CRMP1: variants seen among roughly 807,000 people sequenced by gnomAD.
The protein encoded by CRMP1 is dihydropyrimidinase-related protein 1.
CRMP1 carries 19 observed loss-of-function variants against 68.3 expected under a neutral mutation model. That is an observed-to-expected ratio of 0.28 (90% CI 0.19 to 0.41). CRMP1 has a LOEUF of 0.41. Among genes scored for constraint, CRMP1 ranks in the 10% least tolerant of loss-of-function variants. The pLI is 1.00. For synonymous variants in CRMP1, 439 were observed against 399.6 expected, an observed-to-expected ratio of 1.10 and a Z score of -1.18; for missense variants, 791 against 967.4, an observed-to-expected ratio of 0.82 and a Z score of 2.42.
In CRMP1 at chr4:5,854,852, G is replaced by C. The variant is rs909989578; in HGVS notation, c.820+1291C>G. On this transcript the variant is annotated intron_variant, in intron 4 of 13. Transcript: ENST00000324989. The surrounding 1 kb of genome is among the most constrained non-coding windows in gnomAD (Gnocchi z 4.0). The stretch of plus-strand genomic sequence containing the variant: ...ATTTGGCAATAAGTGTCATAATCTT[G>C]AAAAATGTTAAAACCTCTGACCTTC... 2.6e-5 allele frequency among the ~76,000 whole-genome samples: 4 copies of C among 152,082 alleles called. No individual in the cohort carries two copies. The highest frequency in any genetic ancestry group is 5.9e-5 in the Non-Finnish European group (4 of 68,022).
intron 8 of CRMP1, among the ~76,000 whole-genome samples, chr4:5,840,225 A>G (rs1262546240): frequency 6.6e-6 from 1 of 152,152 alleles, no homozygotes; most frequent in African/African-American, 2.4e-5. Flanking sequence ...CTCCCACCCC[A>G]GGGGAAAGGG....
At position 5,859,885 on chromosome 4, in the gene CRMP1, G is replaced by T. The variant is rs1276095323; in HGVS notation, c.655+1141C>A. Among the ~76,000 whole-genome samples, 1 of 152,194 alleles carries T rather than the reference G, an allele frequency of 6.6e-6. No individual in the cohort carries two copies. Among genetic ancestry groups the T allele is most frequent in the African/African-American group, 2.4e-5 (1 of 41,440 alleles). ...GGAGAGATGGGCAGGGTTGGGGCCA[G>T]CTTACAGACAGGCCTCCTGAAACCG... On this transcript the variant is annotated intron_variant, in intron 3 of 13. Transcript: ENST00000324989. This position sits in a 1 kb window ranked among gnomAD's most constrained non-coding sequence, Gnocchi z 5.2.
Position 5,879,922 on chromosome 4 carries a change from C to T in CRMP1, c.381+12667G>A, listed in dbSNP as rs1029745846. The stretch of plus-strand genomic sequence containing the variant: ...GTAAAGGAAAACCTAACACCGTATG[C>T]GGAAATCATGATAGAGGAGGAATAA... On this transcript the variant is annotated intron_variant, in intron 1 of 13. Coordinates refer to ENST00000324989, the MANE Select transcript of CRMP1 (RefSeq NM_001014809.3). This position sits in a 1 kb window ranked among gnomAD's most constrained non-coding sequence, Gnocchi z 4.2. 1.7e-4 allele frequency among the ~76,000 whole-genome samples: 26 copies of T among 151,468 alleles called. 1 individual carries two copies. The highest frequency in any genetic ancestry group is 6.3e-4 in the South Asian group (3 of 4,786).
intron 1 of CRMP1, among the ~76,000 whole-genome samples, chr4:5,882,809 G>A (rs564248841): frequency 9.2e-5 from 14 of 152,270 alleles, no homozygotes; most frequent in African/African-American, 3.4e-4. Flanking sequence ...GAGTGGCCTA[G>A]AACTTGGAAC....
chr4:5,869,371 C>T (rs571811845), intron 1 of CRMP1, among the ~76,000 whole-genome samples: 193 of 152,248 alleles, frequency 1.3e-3, no homozygotes, highest in South Asian at 6.2e-3. Flanking sequence ...TGAAGCCCAT[C>T]CCTTGGGTGG....
rs59152465 is a variant in CRMP1, at chr4:5,891,212, A to ACACACACACACC, written c.381+1376_381+1377insGGTGTGTGTGTG. 2.2e-3 allele frequency among the ~76,000 whole-genome samples: 331 copies of ACACACACACACC among 147,220 alleles called. No homozygotes were observed. Among genetic ancestry groups the ACACACACACACC allele is most frequent in the Middle Eastern group, 3.4e-3 (1 of 292 alleles). On this transcript the variant is annotated intron_variant, in intron 1 of 13. Coordinates refer to ENST00000324989, the MANE Select transcript of CRMP1 (RefSeq NM_001014809.3). The surrounding 1 kb of genome is among the most constrained non-coding windows in gnomAD (Gnocchi z 5.2). ...CACACACACACACACACACACACAC[A>ACACACACACACC]CCCTTGCTGTTGGACCTCTCCCTCG...
chr4:5,892,883 G>A lies in CRMP1; in HGVS notation c.87C>T (p.Arg29=). ...ARPGSAAQTP[R]QKYGGMFAAV... The stretch of plus-strand genomic sequence containing the variant: ...CGGCGAACATGCCGCCGTACTTCTG[G>A]CGCGGGGTCTGCGCCGCGCTGCCCG... The change falls in exon 1 of 14, where the codon CGC becomes CGT. Residue 29 remains arginine, a synonymous_variant. Transcript: ENST00000324989. This position sits in a 1 kb window ranked among gnomAD's most constrained non-coding sequence, Gnocchi z 8.6. 1.4e-6 allele frequency: 2 copies of A among 1,410,752 alleles called. No homozygotes were observed. The highest frequency in any genetic ancestry group is 1.9e-6 in the Non-Finnish European group (2 of 1,073,726). The allele number at this position is 1,410,752 out of a possible 1,614,324, so 87.4% of individuals were successfully genotyped here.
At chr4:5,884,124 G>C (rs557126594) in intron 1 of CRMP1, among the ~76,000 whole-genome samples, 2 of 152,142 alleles carry the variant, frequency 1.3e-5, no homozygotes, top group South Asian at 2.1e-4. Flanking sequence ...GTCCTTCCTT[G>C]ATCCTCAGTC....
rs903509116 is a variant in CRMP1 at position 5,861,325 on chromosome 4, C to G, written c.471-115G>C. The G allele has an allele frequency of 2.1e-5, 22 of 1,039,560 alleles. No individual in the cohort carries two copies. The highest frequency in any genetic ancestry group is 1.8e-4 in the Admixed American group (8 of 44,830). The allele number at this position is 1,039,560 out of a possible 1,614,324, so 64.4% of individuals were successfully genotyped here. A position where few individuals can be genotyped will look rare whatever the true frequency, so the allele number is the denominator to read the frequency against. On this transcript the variant is annotated intron_variant, in intron 2 of 13. Coordinates refer to ENST00000324989, the MANE Select transcript of CRMP1 (RefSeq NM_001014809.3). This position sits in a 1 kb window ranked among gnomAD's most constrained non-coding sequence, Gnocchi z 6.0. ...TTTCTGAGCCAGGCCCTTCACAAGG[C>G]CCTGGGGAGACAGAGATAACTCAGG...
In CRMP1 at chr4:5,888,570, G is replaced by C; in HGVS notation, c.381+4019C>G. 2 of 1,112,206 alleles carry C rather than the reference G, an allele frequency of 1.8e-6. No individual in the cohort carries two copies. The highest frequency in any genetic ancestry group is 1.1e-6 in the Non-Finnish European group (1 of 911,742). The allele number at this position is 1,112,206 out of a possible 1,614,324, so 68.9% of individuals were successfully genotyped here. A position where few individuals can be genotyped will look rare whatever the true frequency, so the allele number is the denominator to read the frequency against. On this transcript the variant is annotated intron_variant, in intron 1 of 13. Coordinates refer to ENST00000324989, the MANE Select transcript of CRMP1 (RefSeq NM_001014809.3). This position sits in a 1 kb window ranked among gnomAD's most constrained non-coding sequence, Gnocchi z 6.4. Reference sequence around the variant, plus strand: ...CTCCCGGCGGCGCGGAGCGAAGCCGGATTCGCCCCTCTCGGCTCGAACCAG... The same window carrying C: ...CTCCCGGCGGCGCGGAGCGAAGCCGCATTCGCCCCTCTCGGCTCGAACCAG...
At chr4:5,851,839 G>GA (rs1712657100) in intron 4 of CRMP1, among the ~76,000 whole-genome samples, 1 of 147,332 alleles carries the variant, frequency 6.8e-6, no homozygotes, top group African/African-American at 2.5e-5. Context: ...GAAGGAGAAG[G>GA]GGAGGAGGAG....
intron 1 of CRMP1, among the ~76,000 whole-genome samples, chr4:5,868,265 A>ATCTATATC (rs199821470): frequency 1.6e-4 from 2 of 12,822 alleles, no homozygotes; most frequent in Admixed American, 7.4e-4. Flanking sequence ...ATATATCTAT[A>ATCTATATC]TATATATATA....
rs542700095 is a variant in CRMP1, at chr4:5,886,003, A to G, written c.381+6586T>C. Among the ~76,000 whole-genome samples the G allele has an allele frequency of 3.6e-4, 55 of 152,304 alleles. 1 individual carries two copies. The highest frequency in any genetic ancestry group is 1.4e-3 in the Admixed American group (22 of 15,308). On this transcript the variant is annotated intron_variant, in intron 1 of 13. Coordinates refer to ENST00000324989, the MANE Select transcript of CRMP1 (RefSeq NM_001014809.3). ...ATCTGGTTCCTGTCACAACACGTGTATGTGTGTTATTAGCAAAAGGTACTC... is the reference window on the plus strand; with the variant it reads ...ATCTGGTTCCTGTCACAACACGTGTGTGTGTGTTATTAGCAAAAGGTACTC...
At chr4:5,851,551 G>A (rs1712620269) in intron 4 of CRMP1, 82 bp from the exon 5 acceptor site, 2 of 1,374,680 alleles carry the variant, frequency 1.5e-6, no homozygotes, top group East Asian at 4.6e-5. Flanking sequence ...TGACCACAGA[G>A]CAGAGTGGTA....
chr4:5,874,084 T>A (rs944055392), intron 1 of CRMP1, among the ~76,000 whole-genome samples: 1 of 152,216 alleles, frequency 6.6e-6, no homozygotes, highest in African/African-American at 2.4e-5. Context: ...GCAACAGGTA[T>A]CAAAGGCCTT....
At position 5,866,892 on chromosome 4, in the gene CRMP1, C is replaced by G; in HGVS notation, c.382-136G>C. ...TTAACTTCCCCCGCCCCAGATCCAT[C>G]ACCAGCTTCAATACTTCTCTATCCA... On this transcript the variant is annotated intron_variant, in intron 1 of 13. Coordinates refer to ENST00000324989, the MANE Select transcript of CRMP1 (RefSeq NM_001014809.3). This position sits in a 1 kb window ranked among gnomAD's most constrained non-coding sequence, Gnocchi z 5.9. 1 of 579,910 alleles carries G rather than the reference C, an allele frequency of 1.7e-6. No individual in the cohort carries two copies. 35.9% of individuals were successfully genotyped at this position (579,910 alleles called of 1,614,324 possible).
chr4:5,838,093 A>C lies in CRMP1; in HGVS notation c.1311-1187T>G, dbSNP rs2152458814. On this transcript the variant is annotated intron_variant, in intron 9 of 13. Transcript: ENST00000324989. This position sits in a 1 kb window ranked among gnomAD's most constrained non-coding sequence, Gnocchi z 4.9. Reference sequence around the variant, plus strand: ...CCATTTCCAGGAGGATAATCAGAAAATTACGTCACTGAGGAGCCTTCTAGC... The same window carrying C: ...CCATTTCCAGGAGGATAATCAGAAACTTACGTCACTGAGGAGCCTTCTAGC... 6.6e-6 allele frequency among the ~76,000 whole-genome samples: 1 copy of C among 152,266 alleles called. No homozygotes were observed. Among genetic ancestry groups the C allele is most frequent in the African/African-American group, 2.4e-5 (1 of 41,550 alleles).
intron 11 of CRMP1, among the ~76,000 whole-genome samples, chr4:5,832,411 T>C (rs1474819188): frequency 6.6e-6 from 1 of 152,228 alleles, no homozygotes; most frequent in East Asian, 1.9e-4. Flanking sequence ...TTGATGTGAA[T>C]GTTTTCCACA....
rs1715102603 is a variant in CRMP1 at position 5,879,684 on chromosome 4, T to C, written c.381+12905A>G. On this transcript the variant is annotated intron_variant, in intron 1 of 13. Transcript: ENST00000324989. The surrounding 1 kb of genome is among the most constrained non-coding windows in gnomAD (Gnocchi z 4.2). ...CTATGCCAAATGCTCTAACATTCTATGCCAAATGTTCATGCATTTGAGGAT... is the reference window on the plus strand; with the variant it reads ...CTATGCCAAATGCTCTAACATTCTACGCCAAATGTTCATGCATTTGAGGAT... Among the ~76,000 whole-genome samples, 1 of 152,224 alleles carries C rather than the reference T, an allele frequency of 6.6e-6. No homozygotes were observed. The highest frequency in any genetic ancestry group is 1.5e-5 in the Non-Finnish European group (1 of 68,036).
Sources: gnomAD v4.1 joint callset for allele counts (sites outside exome capture counted in the v4.1 genomes callset) on GRCh38, gnomAD v4.1.1 for gene constraint, Gnocchi (gnomAD v3.1) non-coding constraint, MANE v1.5 for transcripts, NCBI Gene and HGNC (gene_info 2026-07-23, HGNC 2026-07-21) for gene names.